Variants in SMYD4 observed in about 807,000 individuals in gnomAD.
The protein encoded by SMYD4 is SET and MYND domain containing 4.
Under a neutral mutation model 72.8 loss-of-function variants are expected in SMYD4, and 68 were observed. That is an observed-to-expected ratio of 0.93 (90% CI 0.77 to 1.14). The LOEUF (loss-of-function observed/expected upper bound fraction) is 1.14, where lower values mean the gene tolerates loss of function less well. Ranked by LOEUF, SMYD4 falls within the 50% of genes most tolerant of loss-of-function variation. SMYD4 has a pLI of 0.00. For synonymous variants in SMYD4, 407 were observed against 388.6 expected (o/e 1.05, Z -0.56); for missense variants, 984 against 1,003.7 (o/e 0.98, Z 0.27).
intron 5 of SMYD4, among the ~76,000 whole-genome samples, chr17:1,789,764 C>CCAAAAAAAAAAAAAAAAAA (rs71150816): frequency 1.1e-5 from 1 of 90,098 alleles, no homozygotes; most frequent in Non-Finnish European, 2.4e-5. Context: ...GACTCTGTCT[C>CCAAAAAAAAAAAAAAAAAA]AAAAAAAAAA....
rs150900233 is a variant in SMYD4, at chr17:1,827,656, C to T, written c.134+205G>A. Among the ~76,000 whole-genome samples, 283 of 152,244 alleles carry T rather than the reference C, an allele frequency of 1.9e-3. 2 individuals are homozygous for T. Among genetic ancestry groups the T allele is most frequent in the African/African-American group, 6.4e-3 (264 of 41,528 alleles). ...TCCATCAAAAAGAGATGTTACCAGG[C>T]CAGACATGGTGGCTCACGCCTGTAC... is the stretch of plus-strand genomic sequence containing the variant. On this transcript the variant is annotated intron_variant, in intron 2 of 10. Coordinates refer to ENST00000305513, the MANE Select transcript of SMYD4 (RefSeq NM_052928.3).
intron 2 of SMYD4, among the ~76,000 whole-genome samples, chr17:1,815,765 T>C (rs1910560833): frequency 6.6e-6 from 1 of 151,092 alleles, no homozygotes; most frequent in African/African-American, 2.4e-5. Flanking sequence ...AATGGTGTGA[T>C]CTCGGCTCAC....
chr17:1,790,539 T>C (rs12604071), intron 5 of SMYD4, among the ~76,000 whole-genome samples: 113,963 of 151,768 alleles, frequency 0.75, 43,809 homozygotes, highest in African/African-American at 0.87. Flanking sequence ...ATTTTTCAGA[T>C]GTAGTCTCAC....
rs1908340021 is a variant in SMYD4, at chr17:1,781,155, A to G, written c.*131T>C. 7 of 1,151,684 alleles carry G rather than the reference A, an allele frequency of 6.1e-6. No homozygotes were observed. Among genetic ancestry groups the G allele is most frequent in the Middle Eastern group, 3.1e-4 (1 of 3,240 alleles). 71.3% of individuals were successfully genotyped at this position (1,151,684 alleles called of 1,614,324 possible). On this transcript the variant is annotated 3_prime_UTR_variant, in exon 11 of 11. Transcript: ENST00000305513. ...AGGCTGGTCTTGAACTCCTGACATC[A>G]GGTGATCCGCCCACCTTAGCCTCCC... is the stretch of plus-strand genomic sequence containing the variant.
Position 1,824,918 on chromosome 17 carries a change from C to T in SMYD4, c.134+2943G>A, listed in dbSNP as rs148501798. Among the ~76,000 whole-genome samples, 19 of 152,286 alleles carry T rather than the reference C, an allele frequency of 1.2e-4. No individual in the cohort carries two copies. In the East Asian group the frequency reaches 1.9e-3, roughly 15 times the overall value. On this transcript the variant is annotated intron_variant, in intron 2 of 10. Coordinates refer to ENST00000305513, the MANE Select transcript of SMYD4 (RefSeq NM_052928.3). ...GCGATTACAGGCGTGAGCCACCGCG[C>T]CCGGTGAAATCTGATGATTTTATAA...
At position 1,784,970 on chromosome 17, in the gene SMYD4, G is replaced by A. The variant is rs1402628552; in HGVS notation, c.1885-509C>T. 2.7e-5 allele frequency among the ~76,000 whole-genome samples: 4 copies of A among 146,904 alleles called. No individual in the cohort carries two copies. In the South Asian group the frequency reaches 8.7e-4, roughly 32 times the overall value. Reference sequence around the variant, plus strand: ...GTGTGTTATTTATTTTTTTTTTTTAGTAGAGACGGGGTTTCACCGTGTAAG... The same window carrying A: ...GTGTGTTATTTATTTTTTTTTTTTAATAGAGACGGGGTTTCACCGTGTAAG... On this transcript the variant is annotated intron_variant, in intron 7 of 10. Coordinates refer to ENST00000305513, the MANE Select transcript of SMYD4 (RefSeq NM_052928.3).
At chr17:1,821,237 G>A (rs1006451774) in intron 2 of SMYD4, among the ~76,000 whole-genome samples, 2 of 152,202 alleles carry the variant, frequency 1.3e-5, no homozygotes, top group African/African-American at 4.8e-5. Flanking sequence ...AGTATAGGCC[G>A]GGCAAGGGGG....
chr17:1,795,448 C>CTATCTAATCATCT (rs1555575940), intron 5 of SMYD4, among the ~76,000 whole-genome samples: 1 of 121,488 alleles, frequency 8.2e-6, no homozygotes, highest in Non-Finnish European at 1.7e-5. Flanking sequence ...TCTATCTAAT[C>CTATCTAATCATCT]ATCTATCTAT....
At chr17:1,787,010 A>G in intron 6 of SMYD4, 37 bp from the exon 7 acceptor site, 1 of 141,870 alleles carries the variant, frequency 7.0e-6, no homozygotes, top group Non-Finnish European at 1.0e-5. Flanking sequence ...ATTGAAAGCA[A>G]GAGAGAGTCA....
chr17:1,800,683 T>G lies in SMYD4; in HGVS notation c.711A>C (p.Leu237Phe), dbSNP rs1262407430. Residue 237 changes from leucine (L) to phenylalanine (F), a missense_variant, in exon 5 of 11, where the codon TTA becomes TTC. Leu to Phe is a conservative substitution (Grantham distance 22, BLOSUM62 0). Coordinates refer to ENST00000305513, the MANE Select transcript of SMYD4 (RefSeq NM_052928.3). ...AGCGACCTTTTAAAGGATCTACGCA[T>G]AAGCCGATGGATGATGAGGCATTGG... ...QLSNASSSIG[L>F]CVDPLKGRCL... 2 of 1,614,226 alleles carry G rather than the reference T, an allele frequency of 1.2e-6. No homozygotes were observed. The highest frequency in any genetic ancestry group is 1.1e-5 in the South Asian group (1 of 91,086).
chr17:1,828,115 C>T lies in SMYD4; in HGVS notation c.-12-109G>A, dbSNP rs1209354764. ...CCTGTAATCCCAGCACTTTGGGAAG[C>T]CGAGGTAGGTGGATCACGAGGTCAG... On this transcript the variant is annotated intron_variant, in intron 1 of 10. Transcript: ENST00000305513. 4.6e-6 allele frequency: 5 copies of T among 1,080,874 alleles called. No individual in the cohort carries two copies. In the Admixed American group the frequency reaches 1.0e-4, roughly 22 times the overall value. The allele number at this position is 1,080,874 out of a possible 1,614,324, so 67.0% of individuals were successfully genotyped here. A position where few individuals can be genotyped will look rare whatever the true frequency, so the allele number is the denominator to read the frequency against.
At chr17:1,787,685 T>C in intron 5 of SMYD4, 81 bp from the exon 6 acceptor site, 1 of 1,419,138 alleles carries the variant, frequency 7.0e-7, no homozygotes, top group Non-Finnish European at 9.4e-7. Context: ...GAAGATGAGC[T>C]GGGCAGCTAG....
Position 1,781,142 on chromosome 17 carries a change from A to C in SMYD4, c.*144T>G. On this transcript the variant is annotated 3_prime_UTR_variant, in exon 11 of 11. Coordinates refer to ENST00000305513, the MANE Select transcript of SMYD4 (RefSeq NM_052928.3). Reference sequence around the variant, plus strand: ...CACCATGTTGGCCAGGCTGGTCTTGAACTCCTGACATCAGGTGATCCGCCC... The same window carrying C: ...CACCATGTTGGCCAGGCTGGTCTTGCACTCCTGACATCAGGTGATCCGCCC... The C allele has an allele frequency of 9.7e-7, 1 of 1,029,910 alleles. No individual in the cohort carries two copies. The highest frequency in any genetic ancestry group is 1.7e-5 in the South Asian group (1 of 57,590). The allele number at this position is 1,029,910 out of a possible 1,614,324, so 63.8% of individuals were successfully genotyped here. A position where few individuals can be genotyped will look rare whatever the true frequency, so the allele number is the denominator to read the frequency against.
At chr17:1,810,257 T>C (rs1462582232) in intron 3 of SMYD4, among the ~76,000 whole-genome samples, 1 of 151,970 alleles carries the variant, frequency 6.6e-6, no homozygotes, top group Non-Finnish European at 1.5e-5. Context: ...AATAGAAGTT[T>C]CTTGAAGAAA....
At chr17:1,811,412 G>A (rs992991173) in intron 3 of SMYD4, among the ~76,000 whole-genome samples, 1 of 152,172 alleles carries the variant, frequency 6.6e-6, no homozygotes, top group Non-Finnish European at 1.5e-5. Flanking sequence ...TGAACCCCTG[G>A]CCTCAAGTGA....
chr17:1,807,113 C>A (rs1910075703), intron 3 of SMYD4, among the ~76,000 whole-genome samples: 1 of 152,046 alleles, frequency 6.6e-6, no homozygotes, highest in Non-Finnish European at 1.5e-5. Flanking sequence ...TGGTCTTGAA[C>A]TCCTGACCTC....
chr17:1,826,280 G>A (rs1031984204), intron 2 of SMYD4, among the ~76,000 whole-genome samples: 2 of 151,976 alleles, frequency 1.3e-5, no homozygotes, highest in Non-Finnish European at 2.9e-5. Context: ...ATCACCTGAG[G>A]CCAGGAGTTG....
chr17:1,825,607 G>C (rs951143055), intron 2 of SMYD4, among the ~76,000 whole-genome samples: 1 of 151,116 alleles, frequency 6.6e-6, no homozygotes, highest in Non-Finnish European at 1.5e-5. Flanking sequence ...GACCTCCCAG[G>C]TTCAAGTGAT....
At chr17:1,801,395 C>T (rs1156875629) in intron 4 of SMYD4, among the ~76,000 whole-genome samples, 4 of 151,752 alleles carry the variant, frequency 2.6e-5, no homozygotes, top group Non-Finnish European at 5.9e-5. Flanking sequence ...CCCGCCACCA[C>T]ACCCAGCTAT....
Sources: gnomAD v4.1 joint callset for allele counts (sites outside exome capture counted in the v4.1 genomes callset) on GRCh38, gnomAD v4.1.1 for gene constraint, MANE v1.5 for transcripts, NCBI Gene and HGNC (gene_info 2026-07-23, HGNC 2026-07-21) for gene names.